Variants in SNX10 observed in about 807,000 individuals in gnomAD.
SNX10 encodes sorting nexin 10, also known as sorting nexin-10.
A neutral mutation model predicts 28.5 loss-of-function variants in SNX10; 25 were observed. The ratio of observed to expected loss-of-function variants is 0.88; its 90% CI spans 0.64 to 1.22. The LOEUF is 1.22. Among genes scored for constraint, SNX10 ranks in the 50% most tolerant of loss-of-function variants. The pLI, the probability that SNX10 is intolerant of heterozygous loss-of-function variation, is 0.00. For missense variants in SNX10, 223 were observed against 242.6 expected, an observed-to-expected ratio of 0.92 and a Z score of 0.54; for synonymous variants, 62 against 81.4, an observed-to-expected ratio of 0.76 and a Z score of 1.28.
chr7:26,365,019 A>T, intron 4 of SNX10, 28 bp from the exon 5 acceptor site: 1 of 1,436,638 alleles, frequency 7.0e-7, no homozygotes, highest in Non-Finnish European at 9.8e-7. Context: ...TTAATCATTT[A>T]AAAACATTGT....
In SNX10 at chr7:26,368,707, C is replaced by T. The variant is rs574039386; in HGVS notation, c.312-3114C>T. ...GAACCATGACAGCTAGTTTTACACA[C>T]ACACGATTTTTATGTCTTTGTGTTC... On this transcript the variant is annotated intron_variant, in intron 5 of 6. Coordinates refer to ENST00000338523, the MANE Select transcript of SNX10 (RefSeq NM_013322.3). Among the ~76,000 whole-genome samples the T allele has an allele frequency of 7.9e-5, 12 of 152,284 alleles. No homozygotes were observed. In the South Asian group the frequency reaches 2.5e-3, roughly 32 times the overall value.
chr7:26,296,206 C>T (rs1786104280), intron 1 of SNX10, among the ~76,000 whole-genome samples: 3 of 152,158 alleles, frequency 2.0e-5, no homozygotes, highest in Admixed American at 2.0e-4. Context: ...GTATGTGGCT[C>T]ACTGGGAAGT....
At chr7:26,351,687 C>T (rs1483921615) in intron 2 of SNX10, among the ~76,000 whole-genome samples, 1 of 125,260 alleles carries the variant, frequency 8.0e-6, no homozygotes, top group African/African-American at 3.1e-5. Flanking sequence ...GACCGAGTCT[C>T]TCTCTGTCGC....
intron 2 of SNX10, among the ~76,000 whole-genome samples, chr7:26,355,351 C>CA (rs553015708): frequency 1.3e-5 from 2 of 152,024 alleles, no homozygotes; most frequent in African/African-American, 2.4e-5. Context: ...TCTATGTCTT[C>CA]AAAAAAAGTC....
intron 1 of SNX10, among the ~76,000 whole-genome samples, chr7:26,340,191 G>T (rs566930450): frequency 1.4e-4 from 21 of 152,234 alleles, no homozygotes; most frequent in African/African-American, 5.1e-4. Flanking sequence ...TTGGCCTGTT[G>T]ACCTCAGAAA....
At chr7:26,308,796 T>G (rs1376083315) in intron 1 of SNX10, among the ~76,000 whole-genome samples, 2 of 152,108 alleles carry the variant, frequency 1.3e-5, no homozygotes, top group African/African-American at 4.8e-5. Context: ...ATGGGCACTT[T>G]AAGTGGGGGC....
chr7:26,351,584 G>A (rs1240346490), intron 2 of SNX10, among the ~76,000 whole-genome samples: 1 of 151,562 alleles, frequency 6.6e-6, no homozygotes, highest in Admixed American at 6.6e-5. Context: ...TGTATCTCGA[G>A]TGGGATCCTG....
At position 26,326,439 on chromosome 7, in the gene SNX10, C is replaced by T. The variant is rs975211206; in HGVS notation, c.-23-19981C>T. Among the ~76,000 whole-genome samples the T allele has an allele frequency of 4.2e-4, 64 of 152,324 alleles. 1 individual carries two copies. The highest frequency in any genetic ancestry group is 1.5e-3 in the African/African-American group (63 of 41,572). On this transcript the variant is annotated intron_variant, in intron 1 of 6. Coordinates refer to ENST00000338523, the MANE Select transcript of SNX10 (RefSeq NM_013322.3). ...TCCAGTGAATCACTTCCTGATCCCA[C>T]ACATGGCTTGCATCTTCTTGCCTCC...
At chr7:26,341,499 A>ATT (rs77220780) in intron 1 of SNX10, among the ~76,000 whole-genome samples, 11,176 of 145,654 alleles carry the variant, frequency 0.077, 956 homozygotes, top group East Asian at 0.27. Flanking sequence ...CTCTATGTGC[A>ATT]TTTTTTTTTT....
At chr7:26,355,014 A>G (rs1184268387) in intron 2 of SNX10, among the ~76,000 whole-genome samples, 2 of 151,742 alleles carry the variant, frequency 1.3e-5, no homozygotes, top group East Asian at 1.9e-4. Context: ...ATTTTTGTAT[A>G]AGGTGCACGC....
At chr7:26,339,486 T>C (rs1788088473) in intron 1 of SNX10, among the ~76,000 whole-genome samples, 1 of 151,974 alleles carries the variant, frequency 6.6e-6, no homozygotes, top group Non-Finnish European at 1.5e-5. Context: ...GTCAGGCATT[T>C]AGGGTTTTTT....
At chr7:26,370,033 A>G (rs1308850028) in intron 5 of SNX10, among the ~76,000 whole-genome samples, 2 of 152,228 alleles carry the variant, frequency 1.3e-5, no homozygotes, top group African/African-American at 4.8e-5. Context: ...ACCATCTAAA[A>G]TCAATTTTAA....
intron 1 of SNX10, among the ~76,000 whole-genome samples, chr7:26,326,369 A>G (rs566701472): frequency 1.3e-5 from 2 of 152,274 alleles, no homozygotes; most frequent in African/African-American, 4.8e-5. Flanking sequence ...GTCTGAGTCT[A>G]TCATTTCTCT....
At chr7:26,307,677 A>G (rs536032097) in intron 1 of SNX10, among the ~76,000 whole-genome samples, 4 of 135,504 alleles carry the variant, frequency 3.0e-5, no homozygotes, top group Admixed American at 2.8e-4. Context: ...CCAGGCTAGC[A>G]TTCTTTTTTT....
chr7:26,374,083 A>G lies in SNX10; in HGVS notation c.*1511A>G, dbSNP rs1029894879. The G allele has an allele frequency of 6.6e-6, 1 of 152,080 alleles. No homozygotes were observed. Among genetic ancestry groups the G allele is most frequent in the African/African-American group, 2.4e-5 (1 of 41,456 alleles). 9.4% of individuals were successfully genotyped at this position (152,080 alleles called of 1,614,324 possible). A position where few individuals can be genotyped will look rare whatever the true frequency, so the allele number is the denominator to read the frequency against. ...AGAAAAGATTTAGTAATTTCTTACC[A>G]TGCTAATATGTAAAGTTCATGCCAT... On this transcript the variant is annotated 3_prime_UTR_variant, in exon 7 of 7. Coordinates refer to ENST00000338523, the MANE Select transcript of SNX10 (RefSeq NM_013322.3).
At chr7:26,325,447 G>T (rs1287391322) in intron 1 of SNX10, among the ~76,000 whole-genome samples, 4 of 149,706 alleles carry the variant, frequency 2.7e-5, no homozygotes, top group Non-Finnish European at 5.9e-5. Flanking sequence ...CTGAGTAGCT[G>T]GGACTACAGG....
At chr7:26,350,354 A>C (rs1025779378) in intron 2 of SNX10, among the ~76,000 whole-genome samples, 6 of 152,130 alleles carry the variant, frequency 3.9e-5, no homozygotes, top group African/African-American at 1.4e-4. Flanking sequence ...ATGGGGCACT[A>C]TGGGGAGAGC....
chr7:26,311,554 T>C (rs1786854163), intron 1 of SNX10, among the ~76,000 whole-genome samples: 1 of 152,232 alleles, frequency 6.6e-6, no homozygotes, highest in Non-Finnish European at 1.5e-5. Flanking sequence ...AAAGAGCCCC[T>C]GGTGATTTAG....
At position 26,346,464 on chromosome 7, in the gene SNX10, G is replaced by A. The variant is rs1788391863; in HGVS notation, c.22G>A (p.Glu8Lys). 1.2e-6 allele frequency: 2 copies of A among 1,605,862 alleles called. No individual in the cohort carries two copies. The highest frequency in any genetic ancestry group is 1.7e-5 in the Admixed American group (1 of 60,020). MFPEQQK[E>K]EFVSVWVRDP... ...GAAGATGTTTCCGGAACAACAGAAAGAGGTATGTCATCACAAATCCAAAAA... is the reference window on the plus strand; with the variant it reads ...GAAGATGTTTCCGGAACAACAGAAAAAGGTATGTCATCACAAATCCAAAAA... Residue 8 changes from glutamate to lysine, a missense_variant and splice_region_variant, in exon 2 of 7, where the codon GAG becomes AAG. Coordinates refer to ENST00000338523, the MANE Select transcript of SNX10 (RefSeq NM_013322.3).
Sources: gnomAD v4.1 joint callset for allele counts (sites outside exome capture counted in the v4.1 genomes callset) on GRCh38, gnomAD v4.1.1 for gene constraint, MANE v1.5 for transcripts, NCBI Gene and HGNC (gene_info 2026-07-23, HGNC 2026-07-21) for gene names.